The following TMEM156 variants were observed in gnomAD, a reference collection of about 807,000 sequenced individuals.
TMEM156 encodes transmembrane protein 156.
In TMEM156, 28 loss-of-function variants were observed where a neutral mutation model predicts 30.5. The ratio of observed to expected loss-of-function variants is 0.92; its 90% confidence interval spans 0.68 to 1.26. The LOEUF is 1.26. TMEM156 is among the 50% of genes most tolerant of loss of function. The probability of loss-of-function intolerance (pLI) is 0.00; values close to 1 mark genes in which losing one functional copy is unlikely to be tolerated. For missense variants in TMEM156, 351 were observed against 340.6 expected (o/e 1.03, Z -0.24); for synonymous variants, 137 against 119.9 (o/e 1.14, Z -0.93).
chr4:39,016,088 C>T (rs764374980), intron 1 of TMEM156, among the ~76,000 whole-genome samples: 1 of 152,014 alleles, frequency 6.6e-6, no homozygotes, highest in African/African-American at 2.4e-5. Flanking sequence ...TTAAAATAAC[C>T]AGCTTGGCTG....
At chr4:39,000,639 C>A (rs1713273845) in intron 1 of TMEM156, among the ~76,000 whole-genome samples, 1 of 152,134 alleles carries the variant, frequency 6.6e-6, no homozygotes, top group Non-Finnish European at 1.5e-5. Context: ...GTAATCCCAG[C>A]ACTTTGGGAG....
rs527445465 is a variant in TMEM156 at position 38,978,908 on chromosome 4, G to A, written c.823+7428C>T. Among the ~76,000 whole-genome samples, 87 of 152,156 alleles carry A rather than the reference G, an allele frequency of 5.7e-4. 1 individual carries two copies. Among genetic ancestry groups the A allele is most frequent in the South Asian group, 3.9e-3 (19 of 4,818 alleles). ...AGGGATCCTCCCACCTGAGGCTCCC[G>A]AAATGTTGGATTACAGGTGTGAGCC... On this transcript the variant is annotated intron_variant, in intron 5 of 6. Transcript: ENST00000381938.
At chr4:39,018,134 T>C (rs1211954367) in intron 1 of TMEM156, among the ~76,000 whole-genome samples, 2 of 152,158 alleles carry the variant, frequency 1.3e-5, no homozygotes, top group Admixed American at 1.3e-4. Context: ...CCTTTAGTTA[T>C]GTGAGGTTAG....
At chr4:38,992,766 T>A (rs867775270) in intron 3 of TMEM156, among the ~76,000 whole-genome samples, 948 of 90,010 alleles carry the variant, frequency 0.011, 22 homozygotes, top group African/African-American at 0.033. Flanking sequence ...ATATATATTT[T>A]TTTTTGTCTT....
intron 1 of TMEM156, among the ~76,000 whole-genome samples, chr4:39,019,207 A>G (rs557833627): frequency 6.6e-6 from 1 of 152,074 alleles, no homozygotes; most frequent in East Asian, 1.9e-4. Context: ...TATTTCTTCT[A>G]TCCTTTGCAG....
intron 1 of TMEM156, among the ~76,000 whole-genome samples, chr4:38,999,874 T>C (rs531320806): frequency 3.9e-5 from 6 of 152,304 alleles, no homozygotes; most frequent in African/African-American, 1.4e-4. Context: ...TCTCAAGACC[T>C]TCAACTTAGT....
chr4:39,027,311 A>C (rs1715258059), intron 1 of TMEM156, among the ~76,000 whole-genome samples: 1 of 152,190 alleles, frequency 6.6e-6, no homozygotes, highest in Non-Finnish European at 1.5e-5. Context: ...TGGTCATTAT[A>C]ATATAGACTT....
chr4:38,984,913 A>G (rs1239201461), intron 5 of TMEM156, among the ~76,000 whole-genome samples: 1 of 152,216 alleles, frequency 6.6e-6, no homozygotes, highest in Non-Finnish European at 1.5e-5. Flanking sequence ...TGAAAGTCAC[A>G]GGCTCATAAA....
intron 3 of TMEM156, among the ~76,000 whole-genome samples, chr4:38,990,628 C>T (rs2109937924): frequency 6.6e-6 from 1 of 152,198 alleles, no homozygotes; most frequent in East Asian, 1.9e-4. Context: ...CCACCCATCC[C>T]TGCAGCCTTC....
chr4:38,995,014 T>G (rs1434641334), intron 2 of TMEM156, among the ~76,000 whole-genome samples: 1 of 152,046 alleles, frequency 6.6e-6, no homozygotes. Flanking sequence ...GTTGGCACGG[T>G]TGATTTGTTC....
chr4:38,984,179 T>G (rs139952540), intron 5 of TMEM156, among the ~76,000 whole-genome samples: 2 of 152,310 alleles, frequency 1.3e-5, no homozygotes, highest in Non-Finnish European at 2.9e-5. Context: ...CAGGATGCAT[T>G]TATTCCATCA....
intron 1 of TMEM156, among the ~76,000 whole-genome samples, chr4:39,013,385 ATTT>A (rs1714259545): frequency 1.1e-5 from 1 of 90,174 alleles, no homozygotes; most frequent in Non-Finnish European, 2.0e-5. Flanking sequence ...TTATTTATTT[ATTT>A]ATTTATTTAT....
rs1398026959 is a variant in TMEM156 at position 38,967,155 on chromosome 4, GCAAA to G, written c.*521_*524del. 4 of 152,170 alleles carry G rather than the reference GCAAA, an allele frequency of 2.6e-5. No homozygotes were observed. Among genetic ancestry groups the G allele is most frequent in the African/African-American group, 9.6e-5 (4 of 41,518 alleles). 9.4% of individuals were successfully genotyped at this position (152,170 alleles called of 1,614,324 possible). ...CTAAAAGGCAGCAAGATTCATAAAT[GCAAA>G]CAAACATATAAATAAACAACCAGGC... On this transcript the variant is annotated 3_prime_UTR_variant, in exon 7 of 7. Transcript: ENST00000381938.
intron 4 of TMEM156, among the ~76,000 whole-genome samples, chr4:38,987,853 T>G (rs2109923577): frequency 6.6e-6 from 1 of 152,336 alleles, no homozygotes; most frequent in Non-Finnish European, 1.5e-5. Flanking sequence ...CTATTTATTT[T>G]TAGTGCCTAT....
chr4:38,982,625 T>C (rs1016469529), intron 5 of TMEM156, among the ~76,000 whole-genome samples: 2 of 152,200 alleles, frequency 1.3e-5, no homozygotes, highest in South Asian at 2.1e-4. Context: ...CCAGATATTA[T>C]GCTAGCAACA....
At chr4:38,971,633 A>C (rs889898475) in intron 5 of TMEM156, among the ~76,000 whole-genome samples, 4 of 152,180 alleles carry the variant, frequency 2.6e-5, no homozygotes, top group African/African-American at 9.7e-5. Context: ...TTCGAGGTGG[A>C]AGATGAAACT....
intron 1 of TMEM156, among the ~76,000 whole-genome samples, chr4:39,000,434 A>T: frequency 6.6e-6 from 1 of 152,208 alleles, no homozygotes; most frequent in East Asian, 1.9e-4. Context: ...GTCAGTCATT[A>T]GTCAAGATAC....
intron 1 of TMEM156, among the ~76,000 whole-genome samples, chr4:39,030,207 A>G (rs1490427476): frequency 6.6e-6 from 1 of 151,126 alleles, no homozygotes; most frequent in Non-Finnish European, 1.5e-5. Context: ...CCATCAACCC[A>G]GAAAGAGTTT....
At chr4:38,987,485 A>G (rs897631274) in intron 4 of TMEM156, among the ~76,000 whole-genome samples, 8 of 152,336 alleles carry the variant, frequency 5.3e-5, no homozygotes, top group Middle Eastern at 3.4e-3. Context: ...ACTGCTCTCA[A>G]AAATATCTGC....
Sources: allele counts gnomAD v4.1 joint callset (sites outside exome capture counted in the v4.1 genomes callset), GRCh38; gene constraint gnomAD v4.1.1; transcripts MANE v1.5; gene names NCBI Gene and HGNC (gene_info 2026-07-23, HGNC 2026-07-21).